Variants in EXT1 observed in about 807,000 individuals in gnomAD.
EXT1 encodes the protein exostosin glycosyltransferase 1, also known as exostosin-1.
A neutral mutation model predicts 82.5 loss-of-function variants in EXT1; 20 were observed. That is an observed-to-expected ratio of 0.24 (90% confidence interval 0.17 to 0.35). EXT1 has a LOEUF of 0.35. EXT1 is among the 10% of genes least tolerant of loss of function. The probability of loss-of-function intolerance (pLI) is 1.00; values close to 1 mark genes in which losing one functional copy is unlikely to be tolerated. For missense variants in EXT1, 757 were observed against 936.5 expected (o/e 0.81, Z 2.50); for synonymous variants, 348 against 350.8 (o/e 0.99, Z 0.09).
intron 1 of EXT1, among the ~76,000 whole-genome samples, chr8:117,943,723 T>C (rs1814331753): frequency 6.6e-6 from 1 of 152,288 alleles, no homozygotes; most frequent in African/African-American, 2.4e-5. Context: ...TGTAATAATG[T>C]ACGTGTGTAT....
intron 1 of EXT1, among the ~76,000 whole-genome samples, chr8:117,879,205 G>A (rs1281145501): frequency 1.3e-5 from 2 of 152,040 alleles, no homozygotes; most frequent in Non-Finnish European, 2.9e-5. Context: ...AAAAAGATGT[G>A]GAAAATATTT....
intron 1 of EXT1, among the ~76,000 whole-genome samples, chr8:118,017,922 C>T (rs560878404): frequency 1.3e-5 from 2 of 152,296 alleles, no homozygotes; most frequent in African/African-American, 4.8e-5. Context: ...AGCTCTTGCA[C>T]AGAATTTTCC....
At position 117,884,748 on chromosome 8, in the gene EXT1, C is replaced by G. The variant is rs575489103; in HGVS notation, c.963-47547G>C. ...GCTGTGCTGCTTTATTAAACAAGCA[C>G]TTAGGAGAGTGGTTTGTTGGGAAAG... is the stretch of plus-strand genomic sequence containing the variant. On this transcript the variant is annotated intron_variant, in intron 1 of 10. Coordinates refer to ENST00000378204, the MANE Select transcript of EXT1 (RefSeq NM_000127.3). Among the ~76,000 whole-genome samples the G allele has an allele frequency of 2.1e-3, 315 of 152,148 alleles. 2 individuals are homozygous for G. The highest frequency in any genetic ancestry group is 3.4e-3 in the Non-Finnish European group (232 of 68,018).
intron 1 of EXT1, among the ~76,000 whole-genome samples, chr8:117,912,685 A>T (rs1011687217): frequency 6.6e-6 from 1 of 152,208 alleles, no homozygotes; most frequent in Non-Finnish European, 1.5e-5. Flanking sequence ...GTGGATCCTG[A>T]TCCCCTAATA....
intron 1 of EXT1, among the ~76,000 whole-genome samples, chr8:117,867,571 T>C (rs1586251965): frequency 6.6e-6 from 1 of 152,294 alleles, no homozygotes; most frequent in East Asian, 1.9e-4. Context: ...AGGAAAATGA[T>C]TTTTAGTCAC....
intron 1 of EXT1, among the ~76,000 whole-genome samples, chr8:117,932,312 G>A (rs531044474): frequency 6.6e-6 from 1 of 152,152 alleles, no homozygotes; most frequent in Non-Finnish European, 1.5e-5. Flanking sequence ...TGGCTGGGGA[G>A]CAATCCCTTC....
chr8:117,979,024 T>C (rs953901985), intron 1 of EXT1, among the ~76,000 whole-genome samples: 1 of 152,072 alleles, frequency 6.6e-6, no homozygotes, highest in Admixed American at 6.6e-5. Flanking sequence ...TTCCAGGCCA[T>C]GGCCCCAAGA....
Position 118,111,499 on chromosome 8 carries a change from T to C in EXT1, c.-453A>G, listed in dbSNP as rs1261378518. On this transcript the variant is annotated 5_prime_UTR_variant, in exon 1 of 11. Coordinates refer to ENST00000378204, the MANE Select transcript of EXT1 (RefSeq NM_000127.3). ...GGCAACTTCAACTCATCCACCACTCTCCGTGCAGAGCACTCCGGTTCCAAC... is the reference window on the plus strand; with the variant it reads ...GGCAACTTCAACTCATCCACCACTCCCCGTGCAGAGCACTCCGGTTCCAAC... 1.5e-5 allele frequency: 8 copies of C among 530,238 alleles called. No homozygotes were observed. Among genetic ancestry groups the C allele is most frequent in the Non-Finnish European group, 2.3e-5 (7 of 303,536 alleles). 32.8% of individuals were successfully genotyped at this position (530,238 alleles called of 1,614,324 possible).
At chr8:117,994,152 C>T (rs1454366003) in intron 1 of EXT1, among the ~76,000 whole-genome samples, 1 of 152,180 alleles carries the variant, frequency 6.6e-6, no homozygotes, top group Non-Finnish European at 1.5e-5. Context: ...CCCATTTGCC[C>T]AAGCCACATT....
Position 117,818,754 on chromosome 8 carries a change from A to G in EXT1, c.1537-224T>C, listed in dbSNP as rs559180865. Among the ~76,000 whole-genome samples the G allele has an allele frequency of 9.3e-5, 14 of 150,870 alleles. No homozygotes were observed. The South Asian group carries it at 1.0e-3, about 11-fold the overall frequency. ...GAGAGGACAGAAAGAGCAAACAAAT[A>G]AACAAACAAACAAACAAACAAAACC... On this transcript the variant is annotated intron_variant, in intron 6 of 10. Transcript: ENST00000378204.
chr8:117,814,476 T>C (rs1216556488), intron 7 of EXT1, among the ~76,000 whole-genome samples: 1 of 152,108 alleles, frequency 6.6e-6, no homozygotes, highest in African/African-American at 2.4e-5. Flanking sequence ...TTCATCTTTA[T>C]AACAACCCCA....
At chr8:118,088,096 C>T (rs908272095) in intron 1 of EXT1, among the ~76,000 whole-genome samples, 13 of 152,164 alleles carry the variant, frequency 8.5e-5, no homozygotes, top group African/African-American at 2.9e-4. Context: ...CCCCCTTCTT[C>T]TCCCGGCTGC....
chr8:118,104,768 A>AT (rs1817779222), intron 1 of EXT1, among the ~76,000 whole-genome samples: 1 of 152,200 alleles, frequency 6.6e-6, no homozygotes, highest in African/African-American at 2.4e-5. Context: ...ATTTTGGAGC[A>AT]TTTTGGACCT....
intron 1 of EXT1, among the ~76,000 whole-genome samples, chr8:117,856,422 ATTTTT>A (rs951647677): frequency 4.8e-5 from 4 of 83,764 alleles, no homozygotes; most frequent in Middle Eastern, 5.7e-3. Flanking sequence ...GCCTGGCTAA[ATTTTT>A]TTTTTTTTTT....
At chr8:117,819,564 T>G in intron 6 of EXT1, 112 bp downstream of exon 6, 1 of 842,490 alleles carries the variant, frequency 1.2e-6, no homozygotes, top group Non-Finnish European at 2.1e-6. Flanking sequence ...GGGTATGATG[T>G]TAGAGAAGTC....
At chr8:118,066,163 G>T (rs568792453) in intron 1 of EXT1, among the ~76,000 whole-genome samples, 1 of 152,158 alleles carries the variant, frequency 6.6e-6, no homozygotes, top group African/African-American at 2.4e-5. Flanking sequence ...TTCCACATCT[G>T]TCACCCGCAA....
At chr8:118,069,643 G>A (rs984786487) in intron 1 of EXT1, among the ~76,000 whole-genome samples, 1 of 152,162 alleles carries the variant, frequency 6.6e-6, no homozygotes, top group African/African-American at 2.4e-5. Context: ...TATTTGAATG[G>A]CAAACTTCAT....
At chr8:117,962,748 AT>A in intron 1 of EXT1, among the ~76,000 whole-genome samples, 1 of 140,322 alleles carries the variant, frequency 7.1e-6, no homozygotes, top group African/African-American at 3.0e-5. Context: ...GAAAGACTCC[AT>A]CCCCCCACAC....
intron 1 of EXT1, among the ~76,000 whole-genome samples, chr8:117,900,888 C>G (rs185900807): frequency 3.9e-5 from 6 of 152,344 alleles, no homozygotes; most frequent in African/African-American, 2.4e-5. Context: ...GTTTTACATT[C>G]TTTTCCTCAA....
Sources: gnomAD v4.1 joint callset for allele counts (sites outside exome capture counted in the v4.1 genomes callset) on GRCh38, gnomAD v4.1.1 for gene constraint, MANE v1.5 for transcripts, NCBI Gene and HGNC (gene_info 2026-07-23, HGNC 2026-07-21) for gene names.